Variants in HACL1 observed in about 807,000 individuals in gnomAD.
The protein encoded by HACL1 is 1600020H07Rik.
In HACL1, 64 loss-of-function variants were observed where a neutral mutation model predicts 74.2. The observed-to-expected ratio is 0.86, with a 90% CI of 0.70 to 1.06. The LOEUF is 1.06. Ranked by LOEUF, HACL1 falls within the 50% of genes least tolerant of loss-of-function variation. HACL1 has a pLI of 0.00. For missense variants in HACL1, 728 were observed against 719.7 expected (o/e 1.01, Z -0.13); for synonymous variants, 230 against 238.8 (o/e 0.96, Z 0.34).
At chr3:15,591,984 A>C (rs1367268164) in intron 3 of HACL1, among the ~76,000 whole-genome samples, 1 of 149,310 alleles carries the variant, frequency 6.7e-6, no homozygotes, top group Non-Finnish European at 1.5e-5. Flanking sequence ...TATACACACT[A>C]TATACCTATA....
chr3:15,561,638 T>C (rs1393713899), intron 16 of HACL1, among the ~76,000 whole-genome samples: 1 of 152,052 alleles, frequency 6.6e-6, no homozygotes, highest in East Asian at 1.9e-4. Context: ...ATGACAGAAT[T>C]TGTTAGGGCT....
rs371599198 is a variant in HACL1 at position 15,571,826 on chromosome 3, TTTC to T, written c.994-60_994-58del. On this transcript the variant is annotated intron_variant, in intron 11 of 16. Coordinates refer to ENST00000321169, the MANE Select transcript of HACL1 (RefSeq NM_012260.4). Reference sequence around the variant, plus strand: ...ACATAAACTTTTTCTTTGCCTTTTTTTTCTTTTTTTTTTTTTTTTTTTTTTTTT... The same window carrying T: ...ACATAAACTTTTTCTTTGCCTTTTTTTTTTTTTTTTTTTTTTTTTTTTTTT... The T allele has an allele frequency of 1.2e-3, 516 of 444,040 alleles. 3 individuals are homozygous for T. The highest frequency in any genetic ancestry group is 1.6e-3 in the Non-Finnish European group (418 of 256,132). 27.5% of individuals were successfully genotyped at this position (444,040 alleles called of 1,614,324 possible). A position where few individuals can be genotyped will look rare whatever the true frequency, so the allele number is the denominator to read the frequency against.
intron 6 of HACL1, 80 bp from the exon 7 acceptor site, chr3:15,585,422 G>A: frequency 1.3e-6 from 1 of 788,834 alleles, no homozygotes; most frequent in Non-Finnish European, 2.1e-6. Flanking sequence ...TTTAAAACTG[G>A]AAAATGAACA....
At chr3:15,564,701 A>T (rs773417800) in intron 14 of HACL1, 43 bp from the exon 15 acceptor site, 2 of 799,464 alleles carry the variant, frequency 2.5e-6, no homozygotes, top group South Asian at 3.4e-5. Flanking sequence ...TCTTCATTTT[A>T]AAGTAATTTC....
In HACL1 at chr3:15,579,982, A is replaced by T. The variant is rs1451880068; in HGVS notation, c.731T>A (p.Phe244Tyr). The T allele has an allele frequency of 6.2e-7, 1 of 1,609,528 alleles. No homozygotes were observed. The highest frequency in any genetic ancestry group is 1.7e-5 in the Admixed American group (1 of 59,982). ...KKLVEQYKLP[F>Y]LPTPMGKGVV... ...ACCCTTCCCCATAGGGGTGGGCAAA[A>T]ATGGCAGTTTATATTGCTCCACCAA... Residue 244 changes from phenylalanine (F) to tyrosine (Y), a missense_variant, in exon 9 of 17, where the codon TTT becomes TAT. By Grantham distance (22) the Phe-to-Tyr change is conservative. Transcript: ENST00000321169.
In HACL1 at chr3:15,591,819, G is replaced by T; in HGVS notation, c.228-139C>A. ...ACTATAACTGATAAAACAATTATTA[G>T]AATATTTTTAATTAAAAAACAAGGC... is the stretch of plus-strand genomic sequence containing the variant. On this transcript the variant is annotated intron_variant, in intron 3 of 16. Transcript: ENST00000321169. 5.5e-6 allele frequency: 3 copies of T among 544,888 alleles called. No homozygotes were observed. The South Asian group carries it at 6.9e-5, about 13-fold the overall frequency. The allele number at this position is 544,888 out of a possible 1,614,324, so 33.8% of individuals were successfully genotyped here.
At chr3:15,595,273 C>T (rs937611367) in intron 3 of HACL1, among the ~76,000 whole-genome samples, 16 of 152,098 alleles carry the variant, frequency 1.1e-4, no homozygotes, top group East Asian at 1.9e-4. Flanking sequence ...GTAAATAAAG[C>T]GGCAGAAAAC....
In HACL1 at chr3:15,582,950, T is replaced by C. The variant is rs1425627557; in HGVS notation, c.594A>G (p.Ala198=). The C allele has an allele frequency of 6.2e-7, 1 of 1,611,614 alleles. No homozygotes were observed. Among genetic ancestry groups the C allele is most frequent in the Admixed American group, 1.7e-5 (1 of 59,784 alleles). Residue 198 remains alanine (A), a synonymous_variant, in exon 8 of 17, where the codon GCA becomes GCG. Coordinates refer to ENST00000321169, the MANE Select transcript of HACL1 (RefSeq NM_012260.4). ...ERCMSPPISM[A]ETSAVCTAAS... Reference sequence around the variant, plus strand: ...CCGCCGTGCACACAGCAGAGGTTTCTGCCATGCTAATAGGAGGTGACATGC... The same window carrying C: ...CCGCCGTGCACACAGCAGAGGTTTCCGCCATGCTAATAGGAGGTGACATGC...
At chr3:15,563,623 T>C (rs982294069) in intron 15 of HACL1, 79 bp from the exon 16 acceptor site, 6 of 872,336 alleles carry the variant, frequency 6.9e-6, no homozygotes, top group Middle Eastern at 4.6e-4. Flanking sequence ...AAATACTTCA[T>C]TAAAAAAATT....
chr3:15,593,101 ATG>A (rs1255439576), intron 3 of HACL1, among the ~76,000 whole-genome samples: 2 of 145,866 alleles, frequency 1.4e-5, no homozygotes, highest in Non-Finnish European at 3.0e-5. Flanking sequence ...ATATACATAT[ATG>A]TGTGTGTATA....
chr3:15,568,366 C>A, intron 13 of HACL1, 66 bp downstream of exon 13: 1 of 953,204 alleles, frequency 1.0e-6, no homozygotes, highest in Non-Finnish European at 1.6e-6. Context: ...TTAATCTGCA[C>A]TATTACAGTT....
At chr3:15,570,268 GA>G (rs1307953607) in intron 12 of HACL1, among the ~76,000 whole-genome samples, 2 of 151,658 alleles carry the variant, frequency 1.3e-5, no homozygotes, top group African/African-American at 4.8e-5. Context: ...CTGCGAGGCA[GA>G]GGTTGCAGTG....
At chr3:15,580,069 G>A in intron 8 of HACL1, 24 bp from the exon 9 acceptor site, 1 of 1,600,236 alleles carries the variant, frequency 6.2e-7, no homozygotes, top group Non-Finnish European at 8.5e-7. Context: ...AAATGTATTG[G>A]ACAATTCAGT....
intron 10 of HACL1, among the ~76,000 whole-genome samples, chr3:15,574,648 T>C (rs1018188073): frequency 5.3e-5 from 8 of 152,264 alleles, no homozygotes; most frequent in African/African-American, 1.9e-4. Flanking sequence ...AAATGTTTTG[T>C]TCTAGTCTAC....
chr3:15,591,267 G>A, intron 4 of HACL1, among the ~76,000 whole-genome samples: 1 of 151,818 alleles, frequency 6.6e-6, no homozygotes, highest in East Asian at 1.9e-4. Context: ...AGATATTGTA[G>A]AAATAGTCAC....
chr3:15,592,003 T>C (rs1354538789), intron 3 of HACL1, among the ~76,000 whole-genome samples: 3 of 148,454 alleles, frequency 2.0e-5, no homozygotes, highest in Middle Eastern at 3.4e-3. Context: ...TAGTATATAC[T>C]ATATACGTAT....
At chr3:15,588,422 GTC>G (rs956066091) in intron 5 of HACL1, among the ~76,000 whole-genome samples, 3 of 152,006 alleles carry the variant, frequency 2.0e-5, no homozygotes, top group South Asian at 2.1e-4. Context: ...GCAAAACACT[GTC>G]TCTGCAAAAA....
intron 3 of HACL1, among the ~76,000 whole-genome samples, chr3:15,595,103 C>T (rs2064032316): frequency 6.6e-6 from 1 of 151,566 alleles, no homozygotes; most frequent in South Asian, 2.1e-4. Context: ...CTGTCCAGCC[C>T]AGATAACAGT....
intron 5 of HACL1, 83 bp from the exon 6 acceptor site, chr3:15,586,685 A>G: frequency 1.2e-6 from 1 of 805,820 alleles, no homozygotes; most frequent in Non-Finnish European, 2.1e-6. Flanking sequence ...TAAGTCATTA[A>G]TTTCTTTTAT....
Sources: gnomAD v4.1 joint callset for allele counts (sites outside exome capture counted in the v4.1 genomes callset) on GRCh38, gnomAD v4.1.1 for gene constraint, MANE v1.5 for transcripts, NCBI Gene and HGNC (gene_info 2026-07-23, HGNC 2026-07-21) for gene names.